KLHL18: variants seen among roughly 807,000 people sequenced by gnomAD.
KLHL18 encodes the protein kelch like family member 18, also known as kelch-like protein 18.
A neutral mutation model predicts 58.5 loss-of-function variants in KLHL18; 38 were observed. The ratio of observed to expected loss-of-function variants is 0.65; its 90% CI spans 0.50 to 0.85. The LOEUF is 0.85. KLHL18 is among the 40% of genes least tolerant of loss of function. The pLI, the probability that KLHL18 is intolerant of heterozygous loss-of-function variation, is 0.00. For missense variants in KLHL18, 624 were observed against 778.4 expected (o/e 0.80, Z 2.36); for synonymous variants, 303 against 301.9 (o/e 1.00, Z -0.04).
rs748411018 is a variant in KLHL18 at position 47,322,560 on chromosome 3, T to G, written c.261-8T>G. 1 of 1,586,370 alleles carries G rather than the reference T, an allele frequency of 6.3e-7. No homozygotes were observed. The highest frequency in any genetic ancestry group is 8.6e-7 in the Non-Finnish European group (1 of 1,167,466). Reference sequence around the variant, plus strand: ...AAAGCACCTCACAGCTTTCCCTCTTTCCTCTAGTGCCCTGGAGGCTCTGAT... The same window carrying G: ...AAAGCACCTCACAGCTTTCCCTCTTGCCTCTAGTGCCCTGGAGGCTCTGAT... On this transcript the variant is annotated splice_region_variant and splice_polypyrimidine_tract_variant and intron_variant, in intron 2 of 9. Transcript: ENST00000232766.
chr3:47,294,831 C>T (rs570416467), intron 1 of KLHL18, among the ~76,000 whole-genome samples: 6 of 152,154 alleles, frequency 3.9e-5, no homozygotes, highest in Non-Finnish European at 8.8e-5. Context: ...GACAGCACTG[C>T]GTTTTGCTTG....
intron 1 of KLHL18, chr3:47,297,684 C>A: frequency 2.2e-6 from 1 of 448,600 alleles, no homozygotes; most frequent in Non-Finnish European, 4.5e-6. Context: ...TAAAATTCAT[C>A]AGAAATTTTG....
At chr3:47,320,917 AAAAG>A (rs983961779) in intron 2 of KLHL18, among the ~76,000 whole-genome samples, 13 of 152,240 alleles carry the variant, frequency 8.5e-5, no homozygotes, top group South Asian at 4.1e-4. Flanking sequence ...TGACTCTTGA[AAAAG>A]AAAGAAAGAA....
chr3:47,293,920 T>C (rs898731549), intron 1 of KLHL18, among the ~76,000 whole-genome samples: 1 of 152,178 alleles, frequency 6.6e-6, no homozygotes, highest in Non-Finnish European at 1.5e-5. Flanking sequence ...GTGACACTTA[T>C]TACAATAGTA....
At chr3:47,323,547 A>G (rs1703636617) in intron 3 of KLHL18, among the ~76,000 whole-genome samples, 1 of 152,230 alleles carries the variant, frequency 6.6e-6, no homozygotes, top group Non-Finnish European at 1.5e-5. Context: ...GCTTGGCAGT[A>G]GGCCTCGTGG....
At chr3:47,332,389 G>T (rs1703884440) in intron 4 of KLHL18, among the ~76,000 whole-genome samples, 1 of 152,086 alleles carries the variant, frequency 6.6e-6, no homozygotes, top group South Asian at 2.1e-4. Flanking sequence ...AAAGAAAAAA[G>T]AAATTTGAGG....
chr3:47,334,539 G>T lies in KLHL18; in HGVS notation c.762-144G>T. 2 of 836,462 alleles carry T rather than the reference G, an allele frequency of 2.4e-6. No individual in the cohort carries two copies. Among genetic ancestry groups the T allele is most frequent in the East Asian group, 2.5e-5 (1 of 39,572 alleles). 51.8% of individuals were successfully genotyped at this position (836,462 alleles called of 1,614,324 possible). ...TGTATGATTTTCCCAGAACTCACCT[G>T]GTTTCTTTGAGACCAGACCTTCCAG... On this transcript the variant is annotated intron_variant, in intron 5 of 9. Transcript: ENST00000232766. The surrounding 1 kb of genome is among the most constrained non-coding windows in gnomAD (Gnocchi z 4.7).
Position 47,312,971 on chromosome 3 carries a change from G to A in KLHL18, c.130-6682G>A, listed in dbSNP as rs544514516. ...GTCGCCCAGGCTGGAGTGCAGTGGC[G>A]CAATCTCGGCTCACTGTAGGCTCCG... On this transcript the variant is annotated intron_variant, in intron 1 of 9. Coordinates refer to ENST00000232766, the MANE Select transcript of KLHL18 (RefSeq NM_025010.5). Among the ~76,000 whole-genome samples the A allele has an allele frequency of 4.5e-3, 665 of 146,594 alleles. 4 individuals carry two copies. The highest frequency in any genetic ancestry group is 0.016 in the African/African-American group (618 of 39,798).
intron 1 of KLHL18, among the ~76,000 whole-genome samples, chr3:47,310,997 CCCTGGTTT>C (rs1703285812): frequency 6.6e-6 from 1 of 151,936 alleles, no homozygotes; most frequent in South Asian, 2.1e-4. Flanking sequence ...TAGTCCTGTT[CCCTGGTTT>C]CCTGATACTT....
At chr3:47,316,898 C>T (rs892459477) in intron 1 of KLHL18, among the ~76,000 whole-genome samples, 9 of 151,486 alleles carry the variant, frequency 5.9e-5, no homozygotes, top group African/African-American at 1.9e-4. Flanking sequence ...TGCTTGAGCT[C>T]AGGAATTCAA....
In KLHL18 at chr3:47,319,748, G is replaced by A; in HGVS notation, c.225G>A (p.Lys75=). 1 of 1,613,982 alleles carries A rather than the reference G, an allele frequency of 6.2e-7. No homozygotes were observed. The highest frequency in any genetic ancestry group is 8.5e-7 in the Non-Finnish European group (1 of 1,179,868). ...TTACAAATGACATGATGGAGTGCAA[G>A]CAGGATGAGATTGTAATGCAAGGAA... is the stretch of plus-strand genomic sequence containing the variant. ...AMFTNDMMEC[K]QDEIVMQGMD... is the part of the protein sequence containing the mutation. The change falls in exon 2 of 10, where the codon AAG becomes AAA. Residue 75 remains lysine (K), a synonymous_variant. Transcript: ENST00000232766.
At chr3:47,315,233 A>C (rs1703392388) in intron 1 of KLHL18, among the ~76,000 whole-genome samples, 2 of 152,048 alleles carry the variant, frequency 1.3e-5, no homozygotes, top group South Asian at 2.1e-4. Flanking sequence ...CTAGTGTAGA[A>C]CCCTGGAATT....
At chr3:47,287,275 G>C (rs1051823876) in intron 1 of KLHL18, 3 of 152,170 alleles carry the variant, frequency 2.0e-5, no homozygotes, top group African/African-American at 7.2e-5. Flanking sequence ...AGACTCTGCA[G>C]CCACACTGCC....
chr3:47,316,621 A>G (rs1703443496), intron 1 of KLHL18, among the ~76,000 whole-genome samples: 1 of 144,400 alleles, frequency 6.9e-6, no homozygotes, highest in Non-Finnish European at 1.5e-5. Flanking sequence ...GTGTATATAT[A>G]CATATATACG....
intron 1 of KLHL18, among the ~76,000 whole-genome samples, chr3:47,286,578 A>G (rs1230829102): frequency 1.3e-5 from 2 of 152,028 alleles, no homozygotes; most frequent in African/African-American, 4.8e-5. Context: ...TGGTTGTTGG[A>G]CCTCACCCAG....
intron 1 of KLHL18, among the ~76,000 whole-genome samples, chr3:47,318,330 CA>C (rs1460309131): frequency 6.6e-6 from 1 of 152,206 alleles, no homozygotes; most frequent in Non-Finnish European, 1.5e-5. Flanking sequence ...TAGAAGTCTT[CA>C]GTCTTCTTCA....
At chr3:47,303,929 A>G (rs1245175445) in intron 1 of KLHL18, among the ~76,000 whole-genome samples, 5 of 151,286 alleles carry the variant, frequency 3.3e-5, no homozygotes, top group South Asian at 2.1e-4. Context: ...GCTCTATCCT[A>G]TGTTGCTCGG....
At chr3:47,340,835 G>C (rs1018779430) in intron 8 of KLHL18, among the ~76,000 whole-genome samples, 159 bp downstream of exon 8, 1 of 151,890 alleles carries the variant, frequency 6.6e-6, no homozygotes, top group African/African-American at 2.4e-5. Flanking sequence ...AATAACCCTT[G>C]GTTAAGTGAA....
rs1336263951 is a variant in KLHL18, at chr3:47,346,716, C to G, written c.*2775C>G. ...AGAGGTGTGACTGTGGGAATTCCTC[C>G]CAATTTATGGTTTCCCAGAAAATCT... is the stretch of plus-strand genomic sequence containing the variant. On this transcript the variant is annotated 3_prime_UTR_variant, in exon 10 of 10. Transcript: ENST00000232766. 2 of 152,638 alleles carry G rather than the reference C, an allele frequency of 1.3e-5. No homozygotes were observed. Among genetic ancestry groups the G allele is most frequent in the East Asian group, 3.8e-4 (2 of 5,204 alleles). 9.5% of individuals were successfully genotyped at this position (152,638 alleles called of 1,614,324 possible). A position where few individuals can be genotyped will look rare whatever the true frequency, so the allele number is the denominator to read the frequency against.
Sources: gnomAD v4.1 joint callset for allele counts (sites outside exome capture counted in the v4.1 genomes callset) on GRCh38, gnomAD v4.1.1 for gene constraint, Gnocchi (gnomAD v3.1) non-coding constraint, MANE v1.5 for transcripts, NCBI Gene and HGNC (gene_info 2026-07-23, HGNC 2026-07-21) for gene names.